NXPE1: variants seen among roughly 807,000 people sequenced by gnomAD.
The protein encoded by NXPE1 is NXPE family member 1.
In NXPE1, 31 loss-of-function variants were observed where a neutral mutation model predicts 33.3. That is an observed-to-expected ratio of 0.93 (90% CI 0.70 to 1.26). The LOEUF (loss-of-function observed/expected upper bound fraction) is 1.26, where lower values mean the gene tolerates loss of function less well. Among genes scored for constraint, NXPE1 ranks in the 50% most tolerant of loss-of-function variants. The probability of loss-of-function intolerance (pLI) is 0.00; values close to 1 mark genes in which losing one functional copy is unlikely to be tolerated. For missense variants in NXPE1, 661 were observed against 655.6 expected, an observed-to-expected ratio of 1.01 and a Z score of -0.09; for synonymous variants, 229 against 231.4, an observed-to-expected ratio of 0.99 and a Z score of 0.09.
intron 5 of NXPE1, among the ~76,000 whole-genome samples, chr11:114,550,439 A>G (rs1948437633): frequency 1.3e-5 from 2 of 152,194 alleles, no homozygotes; most frequent in Admixed American, 1.3e-4. Flanking sequence ...CAAATTTAGT[A>G]TGCTACGGAG....
intron 2 of NXPE1, 127 bp from the exon 3 acceptor site, chr11:114,552,212 A>T (rs1948511436): frequency 6.6e-6 from 1 of 152,178 alleles, no homozygotes. Context: ...TTGAATCACT[A>T]CCTTCTGATT....
intron 1 of NXPE1, among the ~76,000 whole-genome samples, chr11:114,557,512 A>G (rs531075825): frequency 5.8e-4 from 88 of 151,184 alleles, no homozygotes; most frequent in Admixed American, 1.1e-3. Context: ...GTTGGACTGG[A>G]ACTACTGGGC....
intron 6 of NXPE1, chr11:114,529,955 G>A: frequency 2.0e-6 from 1 of 506,842 alleles, no homozygotes. Flanking sequence ...TGAACACATA[G>A]AAGAACGGTT....
intron 7 of NXPE1, chr11:114,526,395 CTTCT>C (rs1053572664): frequency 6.0e-5 from 9 of 148,920 alleles, no homozygotes; most frequent in African/African-American, 2.2e-4. Flanking sequence ...GTATTTTTTC[CTTCT>C]ATTTATATGA....
exon 8 of NXPE1, chr11:114,522,925 G>C (rs1170759946): frequency 9.3e-6 from 15 of 1,613,192 alleles, no homozygotes; most frequent in Non-Finnish European, 1.2e-5. Context: ...GTAGTGTAGA[G>C]TCTCCCAGGA....
intron 6 of NXPE1, among the ~76,000 whole-genome samples, chr11:114,528,383 T>A (rs545414795): frequency 6.6e-6 from 1 of 152,306 alleles, no homozygotes; most frequent in Admixed American, 6.5e-5. Context: ...CTCCCCATCA[T>A]GTACCCAAGG....
At chr11:114,522,778 G>T in intron 8 of NXPE1, 101 bp downstream of exon 8, 1 of 815,820 alleles carries the variant, frequency 1.2e-6, no homozygotes, top group Non-Finnish European at 2.0e-6. Flanking sequence ...AGAGCCAAAT[G>T]AAGTAAAAAA....
At chr11:114,556,320 A>G (rs1176761969) in intron 1 of NXPE1, among the ~76,000 whole-genome samples, 1 of 152,206 alleles carries the variant, frequency 6.6e-6, no homozygotes, top group African/African-American at 2.4e-5. Context: ...TCAGTGAGCA[A>G]CAGATTAAAT....
intron 5 of NXPE1, among the ~76,000 whole-genome samples, chr11:114,549,189 G>T (rs1469004244): frequency 1.3e-5 from 2 of 151,862 alleles, no homozygotes; most frequent in African/African-American, 2.4e-5. Flanking sequence ...AAACTTTAAA[G>T]ATCAGTCAAT....
intron 1 of NXPE1, chr11:114,553,737 A>T: frequency 1.0e-6 from 1 of 985,374 alleles, no homozygotes; most frequent in Non-Finnish European, 1.2e-6. Flanking sequence ...TGTCTTTAAG[A>T]TGCCTCCATT....
At chr11:114,530,030 A>G in intron 6 of NXPE1, 145 bp downstream of exon 6, 1 of 785,302 alleles carries the variant, frequency 1.3e-6, no homozygotes, top group Non-Finnish European at 2.0e-6. Flanking sequence ...TAGAGTGGTG[A>G]GTAGAGGCCC....
intron 5 of NXPE1, among the ~76,000 whole-genome samples, chr11:114,547,501 G>A (rs1390874664): frequency 6.6e-6 from 1 of 152,190 alleles, no homozygotes; most frequent in Non-Finnish European, 1.5e-5. Context: ...TTGGGAGGCT[G>A]AGGCAGGTTG....
intron 1 of NXPE1, among the ~76,000 whole-genome samples, chr11:114,559,593 A>G (rs962892563): frequency 2.0e-5 from 3 of 151,068 alleles, no homozygotes; most frequent in Non-Finnish European, 4.4e-5. Flanking sequence ...TGTCAGTAAG[A>G]GAGGCTCTCA....
Position 114,555,911 on chromosome 11 carries a change from T to TA in NXPE1, c.-210-3032dup, listed in dbSNP as rs561452831. Among the ~76,000 whole-genome samples, 47 of 152,376 alleles carry TA rather than the reference T, an allele frequency of 3.1e-4. 1 individual carries two copies. Among genetic ancestry groups the TA allele is most frequent in the African/African-American group, 8.7e-4 (36 of 41,588 alleles). ...CTCATAATATCTATTCCTCATTTGA[T>TA]AAATATTTGGGTTGTTTAAAGATTG... is the stretch of plus-strand genomic sequence containing the variant. On this transcript the variant is annotated intron_variant, in intron 1 of 8. Transcript: ENST00000534921.
At chr11:114,521,714 A>G (rs1170423735) in exon 9 of NXPE1, 15 of 412,344 alleles carry the variant, frequency 3.6e-5, no homozygotes, top group African/African-American at 2.4e-4. Context: ...GCTTAATAAC[A>G]TGGCTTTTAA....
chr11:114,522,402 G>GA lies in NXPE1; in HGVS notation c.1209dup (p.Pro404SerfsTer14). The GA allele has an allele frequency of 6.2e-7, 1 of 1,614,022 alleles. No individual in the cohort carries two copies. Among genetic ancestry groups the GA allele is most frequent in the Non-Finnish European group, 8.5e-7 (1 of 1,179,942 alleles). On this transcript the variant is annotated frameshift_variant, in exon 9 of 9. Transcript: ENST00000534921. LOFTEE classifies it low-confidence loss of function (END_TRUNC). ...GAGTAGAGCTGGAAAGTGACGAAGG[G>GA]ATAGCTATGTTTTTTCCATTGAATC...
At chr11:114,555,447 G>A (rs572606218) in intron 1 of NXPE1, among the ~76,000 whole-genome samples, 1 of 152,086 alleles carries the variant, frequency 6.6e-6, no homozygotes, top group East Asian at 1.9e-4. Context: ...GGATGGTCTC[G>A]ATTTTCTGAC....
chr11:114,535,407 A>G (rs1182898705), intron 5 of NXPE1, among the ~76,000 whole-genome samples: 3 of 152,246 alleles, frequency 2.0e-5, no homozygotes, highest in Non-Finnish European at 4.4e-5. Flanking sequence ...CATCATAAAG[A>G]CAGGATCAAA....
chr11:114,550,973 G>C lies in NXPE1; in HGVS notation c.99+130C>G, dbSNP rs367947713. 7.5e-3 allele frequency: 4,507 copies of C among 600,524 alleles called. 170 individuals carry two copies. The highest frequency in any genetic ancestry group is 0.075 in the African/African-American group (4,025 of 53,864). The allele number at this position is 600,524 out of a possible 1,614,324, so 37.2% of individuals were successfully genotyped here. A position where few individuals can be genotyped will look rare whatever the true frequency, so the allele number is the denominator to read the frequency against. ...CAATGCCTCTAAGGAGTTAGGTAGA[G>C]AGAGAGAAGATAGGGCAGTAGTTGA... is the stretch of plus-strand genomic sequence containing the variant. On this transcript the variant is annotated intron_variant, in intron 5 of 8. Coordinates refer to ENST00000534921, the Ensembl canonical transcript of NXPE1.
Sources: allele counts gnomAD v4.1 joint callset (sites outside exome capture counted in the v4.1 genomes callset), GRCh38; gene constraint gnomAD v4.1.1; transcripts MANE v1.5; gene names NCBI Gene and HGNC (gene_info 2026-07-23, HGNC 2026-07-21).